The following HERC6 variants were observed in gnomAD, a reference collection of about 807,000 sequenced individuals.
HERC6 encodes the protein HECT and RLD domain containing E3 ubiquitin protein ligase family member 6, also known as probable E3 ubiquitin-protein ligase HERC6.
A neutral mutation model predicts 114.5 loss-of-function variants in HERC6; 101 were observed. The ratio of observed to expected loss-of-function variants is 0.88; its 90% CI spans 0.75 to 1.04. The LOEUF (loss-of-function observed/expected upper bound fraction) is 1.04, where lower values mean the gene tolerates loss of function less well. Among genes scored for constraint, HERC6 ranks in the 50% least tolerant of loss-of-function variants. HERC6 has a pLI of 0.00. For missense variants in HERC6, 1,133 were observed against 1,230.9 expected, an observed-to-expected ratio of 0.92 and a Z score of 1.19; for synonymous variants, 408 against 436.2, an observed-to-expected ratio of 0.94 and a Z score of 0.81.
At chr4:88,422,014 C>T (rs757938995) in intron 13 of HERC6, among the ~76,000 whole-genome samples, 4 of 152,152 alleles carry the variant, frequency 2.6e-5, no homozygotes, top group Non-Finnish European at 4.4e-5. Flanking sequence ...AGTCCCTTAT[C>T]GGATATACGA....
chr4:88,380,767 T>G (rs2110224467), intron 1 of HERC6, among the ~76,000 whole-genome samples: 1 of 151,402 alleles, frequency 6.6e-6, no homozygotes, highest in South Asian at 2.1e-4. Context: ...GATAATACAA[T>G]AATCGTTATG....
At chr4:88,441,893 C>T (rs1208610431) in intron 22 of HERC6, among the ~76,000 whole-genome samples, 2 of 152,178 alleles carry the variant, frequency 1.3e-5, no homozygotes, top group Non-Finnish European at 2.9e-5. Context: ...GAGAAATAGC[C>T]TGGTGTGACC....
At chr4:88,383,763 C>CAAAAAAAA (rs753643806) in intron 2 of HERC6, among the ~76,000 whole-genome samples, 15 of 28,754 alleles carry the variant, frequency 5.2e-4, no homozygotes, top group Admixed American at 6.2e-4. Flanking sequence ...GACTCAGTCT[C>CAAAAAAAA]AAAAAAAAAA....
chr4:88,401,504 A>G (rs1406802130), intron 8 of HERC6, among the ~76,000 whole-genome samples: 1 of 151,932 alleles, frequency 6.6e-6, no homozygotes, highest in African/African-American at 2.4e-5. Flanking sequence ...AAAAAAAAAA[A>G]AAAGAAAAGA....
rs747066947 is a variant in HERC6 at position 88,436,949 on chromosome 4, A to G, written c.2462A>G (p.Asp821Gly). ...GATGATGCTGCTGATGACATTGGAG[A>G]TGCGCTCTGCATACGCTTTTCTGTG... Reference protein sequence around the residue: ...VLDDAADDIGDALCIRFSIHW... With the variant: ...VLDDAADDIGGALCIRFSIHW... The change falls in exon 19 of 23, where the codon GAT (aspartate) becomes GGT (glycine). Residue 821 changes from aspartate to glycine, a missense_variant. Coordinates refer to ENST00000264346, the MANE Select transcript of HERC6 (RefSeq NM_017912.4). 6.2e-7 allele frequency: 1 copy of G among 1,607,514 alleles called. No individual in the cohort carries two copies. The highest frequency in any genetic ancestry group is 1.7e-5 in the Admixed American group (1 of 59,670).
intron 8 of HERC6, chr4:88,398,489 A>T (rs1735366447): frequency 8.1e-6 from 2 of 246,192 alleles, no homozygotes; most frequent in African/African-American, 2.3e-5. Flanking sequence ...GCACATACAC[A>T]TGTAACTTGT....
intron 8 of HERC6, among the ~76,000 whole-genome samples, chr4:88,403,359 T>C (rs2148890391): frequency 6.6e-6 from 1 of 152,284 alleles, no homozygotes; most frequent in South Asian, 2.1e-4. Flanking sequence ...GTTACTGACA[T>C]AAAAGTAAAC....
Position 88,393,568 on chromosome 4 carries a change from G to T in HERC6, c.745G>T (p.Ala249Ser), listed in dbSNP as rs1735033674. 2.5e-6 allele frequency: 4 copies of T among 1,609,356 alleles called. No homozygotes were observed. Among genetic ancestry groups the T allele is most frequent in the Non-Finnish European group, 3.4e-6 (4 of 1,176,464 alleles). ...VYISCGDAHT[A>S]VLTQDGKVFT... is the part of the protein sequence containing the mutation. Reference sequence around the variant, plus strand: ...TATCAGCTGTGGTGATGCACACACTGCGGTGCTTACCCAGGTAATCCAAAA... The same window carrying T: ...TATCAGCTGTGGTGATGCACACACTTCGGTGCTTACCCAGGTAATCCAAAA... The change falls in exon 5 of 23, where the codon GCG becomes TCG. Residue 249 changes from alanine to serine, a missense_variant. By Grantham distance (99) the Ala-to-Ser change is moderately conservative. Around this residue, in one of 3 missense-constraint regions of HERC6, gnomAD observed 735 missense variants for 754.0 expected, o/e 0.97. Transcript: ENST00000264346.
chr4:88,437,769 A>G lies in HERC6; in HGVS notation c.2543A>G (p.Asp848Gly). Residue 848 changes from aspartate to glycine, a missense_variant, in exon 20 of 23, where the codon GAC becomes GGC. By Grantham distance (94) the Asp-to-Gly change is moderately conservative. Around this residue, in one of 3 missense-constraint regions of HERC6, gnomAD observed 388 missense variants for 445.9 expected, o/e 0.87. Transcript: ENST00000264346. ...CCAAATGGGATCTCCATACCTGTGG[A>G]CCAAACCAACAAGTAAGTTTTGACA... Reference protein sequence around the residue: ...LIPNGISIPVDQTNKRDYVSK... With the variant: ...LIPNGISIPVGQTNKRDYVSK... The G allele has an allele frequency of 1.2e-6, 2 of 1,606,000 alleles. No individual in the cohort carries two copies. The highest frequency in any genetic ancestry group is 1.7e-6 in the Non-Finnish European group (2 of 1,175,214).
At chr4:88,402,705 G>A (rs1735608080) in intron 8 of HERC6, among the ~76,000 whole-genome samples, 1 of 152,202 alleles carries the variant, frequency 6.6e-6, no homozygotes, top group Admixed American at 6.5e-5. Context: ...GGAGTGACCA[G>A]GACAGTGGGA....
Position 88,423,919 on chromosome 4 carries a change from CTTAT to C in HERC6, c.1775_1778del (p.Leu592Ter), listed in dbSNP as rs1737326174. On this transcript the variant is annotated frameshift_variant, in exon 14 of 23. Coordinates refer to ENST00000264346, the MANE Select transcript of HERC6 (RefSeq NM_017912.4). LOFTEE classifies it high-confidence loss of function. ...CTTTCAACATAAATGAACTCTCCAA[CTTAT>C]TAAACTTTTATATAGATAGAGGAAG... 1.3e-6 allele frequency: 2 copies of C among 1,576,666 alleles called. No homozygotes were observed. Among genetic ancestry groups the C allele is most frequent in the Admixed American group, 1.9e-5 (1 of 52,258 alleles).
chr4:88,424,737 C>G, intron 15 of HERC6, 35 bp downstream of exon 15: 1 of 1,269,592 alleles, frequency 7.9e-7, no homozygotes, highest in Non-Finnish European at 1.1e-6. Flanking sequence ...TGAAAAATTT[C>G]AAACATATAT....
chr4:88,442,183 A>G (rs1578444936), intron 22 of HERC6, 51 bp from the exon 23 acceptor site: 1 of 1,289,984 alleles, frequency 7.8e-7, no homozygotes, highest in East Asian at 2.5e-5. Context: ...CCTTTTCATT[A>G]TGTTTTACTC....
At chr4:88,408,225 C>G (rs34606416) in intron 10 of HERC6, among the ~76,000 whole-genome samples, 2 of 152,002 alleles carry the variant, frequency 1.3e-5, no homozygotes, top group African/African-American at 2.4e-5. Flanking sequence ...AGTGTGCAAA[C>G]TGAGTGCGGG....
At position 88,378,911 on chromosome 4, in the gene HERC6, G is replaced by A. The variant is rs368088672; in HGVS notation, c.-11G>A. The A allele has an allele frequency of 1.0e-5, 16 of 1,578,902 alleles. No individual in the cohort carries two copies. The highest frequency in any genetic ancestry group is 5.4e-5 in the Admixed American group (3 of 55,814). On this transcript the variant is annotated 5_prime_UTR_variant, in exon 1 of 23. Coordinates refer to ENST00000264346, the MANE Select transcript of HERC6 (RefSeq NM_017912.4). Reference sequence around the variant, plus strand: ...CGGAATCCGGAGCAGGCGACAGGGCGCAGAAGCGGGATGTACTTCTGTTGG... The same window carrying A: ...CGGAATCCGGAGCAGGCGACAGGGCACAGAAGCGGGATGTACTTCTGTTGG...
intron 2 of HERC6, among the ~76,000 whole-genome samples, chr4:88,383,763 CAAAAAAAAAAAAAAAAAAA>C (rs753643806): frequency 5.2e-4 from 15 of 28,740 alleles, no homozygotes; most frequent in Non-Finnish European, 7.2e-4. Context: ...GACTCAGTCT[CAAAAAAAAAAAAAAAAAAA>C]AAAAAAAAAA....
intron 11 of HERC6, among the ~76,000 whole-genome samples, chr4:88,409,320 GAA>G (rs999352298): frequency 3.9e-5 from 6 of 152,104 alleles, no homozygotes; most frequent in African/African-American, 1.4e-4. Context: ...CCAAGAATGA[GAA>G]AAGACAGCCA....
At position 88,413,286 on chromosome 4, in the gene HERC6, A is replaced by C; in HGVS notation, c.1558+20A>C. 6.3e-7 allele frequency: 1 copy of C among 1,585,028 alleles called. No individual in the cohort carries two copies. The highest frequency in any genetic ancestry group is 1.1e-5 in the South Asian group (1 of 89,632). On this transcript the variant is annotated intron_variant, in intron 12 of 22. Coordinates refer to ENST00000264346, the MANE Select transcript of HERC6 (RefSeq NM_017912.4). ...TCCTAAGTAAGTTTTATGTCACTTT[A>C]TCTGTACTCTCAATATAGAGTCACT...
chr4:88,386,366 C>T lies in HERC6; in HGVS notation c.436+791C>T, dbSNP rs184346850. Among the ~76,000 whole-genome samples, 8 of 151,926 alleles carry T rather than the reference C, an allele frequency of 5.3e-5. No individual in the cohort carries two copies. The East Asian group carries it at 5.8e-4, about 11-fold the overall frequency. On this transcript the variant is annotated intron_variant, in intron 3 of 22. Transcript: ENST00000264346. ...GATCACAGGTGTGCGCCACCATGCCCGGCTAATTTTTGTATTTTTAGTATA... is the reference window on the plus strand; with the variant it reads ...GATCACAGGTGTGCGCCACCATGCCTGGCTAATTTTTGTATTTTTAGTATA...
Sources: gnomAD v4.1 joint callset for allele counts (sites outside exome capture counted in the v4.1 genomes callset) on GRCh38, gnomAD v4.1.1 for gene constraint, gnomAD v4.1.1 regional missense constraint, MANE v1.5 for transcripts, NCBI Gene and HGNC (gene_info 2026-07-23, HGNC 2026-07-21) for gene names.